ADARB2: variants seen among roughly 807,000 people sequenced by gnomAD.
ADARB2 encodes inactive double-stranded RNA-specific editase B2.
A neutral mutation model predicts 62.2 loss-of-function variants in ADARB2; 25 were observed. That is an observed-to-expected ratio of 0.40 (90% CI 0.29 to 0.56). The LOEUF is 0.56. Among genes scored for constraint, ADARB2 ranks in the 20% least tolerant of loss-of-function variants. The pLI is 0.43. For missense variants in ADARB2, 1,071 were observed against 1,077.4 expected (o/e 0.99, Z 0.08); for synonymous variants, 572 against 500.8 (o/e 1.14, Z -1.90).
At chr10:1,358,683 T>C (rs1324600690) in intron 3 of ADARB2, among the ~76,000 whole-genome samples, 3 of 152,014 alleles carry the variant, frequency 2.0e-5, no homozygotes, top group Non-Finnish European at 4.4e-5. Flanking sequence ...TAGAAAGTCA[T>C]TCAAGGAACT....
At chr10:1,716,611 G>A (rs74109517) in intron 1 of ADARB2, among the ~76,000 whole-genome samples, 1,678 of 152,324 alleles carry the variant, frequency 0.011, 26 homozygotes, top group African/African-American at 0.038. Flanking sequence ...GGTTCTCAAT[G>A]TGCGTTACCT....
At chr10:1,222,562 G>A (rs1170927949) in intron 6 of ADARB2, among the ~76,000 whole-genome samples, 3 of 149,418 alleles carry the variant, frequency 2.0e-5, no homozygotes, top group Admixed American at 6.6e-5. Context: ...TAACATGTAA[G>A]TCTTTAATCC....
At chr10:1,585,896 G>T (rs2676707) in intron 1 of ADARB2, among the ~76,000 whole-genome samples, 118,609 of 152,004 alleles carry the variant, frequency 0.78, 46,825 homozygotes, top group East Asian at 0.9. Context: ...TGGCTGGGTG[G>T]GGTGGCGGGC....
At chr10:1,632,446 G>A (rs1833854731) in intron 1 of ADARB2, among the ~76,000 whole-genome samples, 1 of 151,836 alleles carries the variant, frequency 6.6e-6, no homozygotes, top group Non-Finnish European at 1.5e-5. Flanking sequence ...GCACACACAT[G>A]CACACTACAC....
In ADARB2 at chr10:1,233,738, CA is replaced by C. The variant is rs749050015; in HGVS notation, c.1468del (p.Cys490ValfsTer61). The stretch of plus-strand genomic sequence containing the variant: ...GGGAGAGTGGAGTCTTGCGTCTCCA[CA>C]GGGGGAGGTGCTCACGTAGAGATGG... Reference protein sequence around the residue: ...LFHLYVSTSPCGDARLHSPYE... With the variant: ...LFHLYVSTSPXGDARLHSPYE... On this transcript the variant is annotated frameshift_variant, in exon 6 of 10. Coordinates refer to ENST00000381312, the MANE Select transcript of ADARB2 (RefSeq NM_018702.4). LOFTEE classifies it high-confidence loss of function. The C allele has an allele frequency of 6.2e-7, 1 of 1,613,900 alleles. No homozygotes were observed. Among genetic ancestry groups the C allele is most frequent in the Non-Finnish European group, 8.5e-7 (1 of 1,179,958 alleles).
At chr10:1,214,406 G>T (rs1390074935) in intron 7 of ADARB2, among the ~76,000 whole-genome samples, 3 of 125,488 alleles carry the variant, frequency 2.4e-5, no homozygotes, top group African/African-American at 9.7e-5. Flanking sequence ...GCGTGGGTTT[G>T]CCCCTGTGCC....
In ADARB2 at chr10:1,286,775, G is replaced by A. The variant is rs1259929977; in HGVS notation, c.1078-15706C>T. 3.9e-5 allele frequency among the ~76,000 whole-genome samples: 6 copies of A among 152,260 alleles called. No homozygotes were observed. The South Asian group carries it at 8.3e-4, about 21-fold the overall frequency. Reference sequence around the variant, plus strand: ...TGTACGCCTGCAGCATCCTGCACTCGTCTCTTCCGTAGGAACAGTGCTGGT... The same window carrying A: ...TGTACGCCTGCAGCATCCTGCACTCATCTCTTCCGTAGGAACAGTGCTGGT... On this transcript the variant is annotated intron_variant, in intron 3 of 9. Transcript: ENST00000381312.
chr10:1,706,693 C>G (rs929083022), intron 1 of ADARB2, among the ~76,000 whole-genome samples: 14 of 152,194 alleles, frequency 9.2e-5, no homozygotes, highest in African/African-American at 3.4e-4. Context: ...GAATCAGAAG[C>G]CTGGTTTCTC....
intron 6 of ADARB2, among the ~76,000 whole-genome samples, chr10:1,223,673 G>T (rs561227246): frequency 6.6e-6 from 1 of 152,294 alleles, no homozygotes; most frequent in Non-Finnish European, 1.5e-5. Flanking sequence ...TGCATCTATT[G>T]AGATAATCAT....
At chr10:1,186,997 C>T (rs1016420098) in intron 8 of ADARB2, among the ~76,000 whole-genome samples, 17 of 152,272 alleles carry the variant, frequency 1.1e-4, no homozygotes, top group African/African-American at 3.9e-4. Flanking sequence ...TCTGCTGCTC[C>T]CAGCTTCATC....
chr10:1,595,404 C>T lies in ADARB2; in HGVS notation c.100+141647G>A, dbSNP rs112543058. 4.1e-4 allele frequency among the ~76,000 whole-genome samples: 62 copies of T among 152,288 alleles called. 1 individual carries two copies. The highest frequency in any genetic ancestry group is 1.4e-3 in the African/African-American group (57 of 41,556). ...AGACAGTATGGTATGGAGGCTAGGC[C>T]TCACCCCAGGGCACTGGCTAAGGAC... On this transcript the variant is annotated intron_variant, in intron 1 of 9. Transcript: ENST00000381312.
At position 1,182,868 on chromosome 10, in the gene ADARB2, C is replaced by T. The variant is rs905574159; in HGVS notation, c.*325G>A. ...CCTGAGGCTCACTCCTGCCTGGTGT[C>T]GTGTCGGTGCCTCCTTCCAAGGCTG... On this transcript the variant is annotated 3_prime_UTR_variant, in exon 10 of 10. Transcript: ENST00000381312. 6.7e-5 allele frequency: 18 copies of T among 267,858 alleles called. No homozygotes were observed. The highest frequency in any genetic ancestry group is 2.2e-4 in the African/African-American group (10 of 45,354). The allele number at this position is 267,858 out of a possible 1,614,324, so 16.6% of individuals were successfully genotyped here.
intron 1 of ADARB2, among the ~76,000 whole-genome samples, chr10:1,721,394 T>C (rs965227982): frequency 6.6e-6 from 1 of 152,230 alleles, no homozygotes; most frequent in Non-Finnish European, 1.5e-5. Context: ...AAGTACCACC[T>C]TACTGTCAGC....
In ADARB2 at chr10:1,457,106, C is replaced by G. The variant is rs74785226; in HGVS notation, c.101-77946G>C. Among the ~76,000 whole-genome samples, 942 of 152,312 alleles carry G rather than the reference C, an allele frequency of 6.2e-3. 5 individuals are homozygous for G. Among genetic ancestry groups the G allele is most frequent in the Middle Eastern group, 0.027 (8 of 294 alleles). The stretch of plus-strand genomic sequence containing the variant: ...GAAAGAGATGACATGGCACAATCTC[C>G]TGGGACAGGTTTTCATCCTAAATGA... On this transcript the variant is annotated intron_variant, in intron 1 of 9. Coordinates refer to ENST00000381312, the MANE Select transcript of ADARB2 (RefSeq NM_018702.4).
intron 1 of ADARB2, among the ~76,000 whole-genome samples, chr10:1,591,104 G>T (rs183030493): frequency 6.6e-6 from 1 of 152,366 alleles, no homozygotes; most frequent in East Asian, 1.9e-4. Context: ...TTCATCCTTT[G>T]TGGTTCCTCA....
chr10:1,240,474 A>G (rs1830906457), intron 5 of ADARB2: 1 of 152,152 alleles, frequency 6.6e-6, no homozygotes, highest in East Asian at 1.9e-4. Context: ...AGGCAACAGA[A>G]CAGACATTTT....
intron 1 of ADARB2, among the ~76,000 whole-genome samples, chr10:1,428,203 C>G (rs891220846): frequency 1.3e-5 from 2 of 151,796 alleles, no homozygotes; most frequent in Non-Finnish European, 2.9e-5. Flanking sequence ...GAACTCCTAA[C>G]CTCAAGAAAT....
Position 1,661,372 on chromosome 10 carries a change from G to T in ADARB2, c.100+75679C>A, listed in dbSNP as rs1834245348. Among the ~76,000 whole-genome samples the T allele has an allele frequency of 2.6e-5, 4 of 152,146 alleles. No individual in the cohort carries two copies. In the South Asian group the frequency reaches 6.2e-4, roughly 24 times the overall value. On this transcript the variant is annotated intron_variant, in intron 1 of 9. Coordinates refer to ENST00000381312, the MANE Select transcript of ADARB2 (RefSeq NM_018702.4). ...AGTCACAGATGGCCTATGTCTCACA[G>T]GTTATCCCTTTCTTCCCCACCCAAA...
chr10:1,186,543 C>G (rs11250319), intron 8 of ADARB2: 7 of 519,058 alleles, frequency 1.3e-5, no homozygotes, highest in South Asian at 7.0e-5. Context: ...GTGTCTCCCT[C>G]TCATTCATGC....
Sources: gnomAD v4.1 joint callset for allele counts (sites outside exome capture counted in the v4.1 genomes callset) on GRCh38, gnomAD v4.1.1 for gene constraint, MANE v1.5 for transcripts, NCBI Gene and HGNC (gene_info 2026-07-23, HGNC 2026-07-21) for gene names.